Variants in SDCBP2 observed in about 807,000 individuals in gnomAD.
SDCBP2 encodes syntenin-2.
Under a neutral mutation model 30.7 loss-of-function variants are expected in SDCBP2, and 28 were observed. That is an observed-to-expected ratio of 0.91 (90% CI 0.68 to 1.25). SDCBP2 has a LOEUF of 1.25. Among genes scored for constraint, SDCBP2 ranks in the 50% most tolerant of loss-of-function variants. SDCBP2 has a pLI of 0.00. For synonymous variants in SDCBP2, 166 were observed against 157.3 expected, an observed-to-expected ratio of 1.06 and a Z score of -0.41; for missense variants, 399 against 379.0, an observed-to-expected ratio of 1.05 and a Z score of -0.44.
At chr20:1,325,421 A>T (rs1367912189) in intron 1 of SDCBP2, 2 of 152,218 alleles carry the variant, frequency 1.3e-5, no homozygotes, top group Non-Finnish European at 2.9e-5. Flanking sequence ...TAGCGGCTGC[A>T]GAGTGGAACA....
chr20:1,311,900 CTTTTTTT>C (rs11471529), intron 7 of SDCBP2, among the ~76,000 whole-genome samples: 10 of 121,110 alleles, frequency 8.3e-5, no homozygotes, highest in African/African-American at 3.4e-4. Flanking sequence ...GGTACACTGT[CTTTTTTT>C]TTTTTTTTTG....
chr20:1,328,848 G>A (rs2088971467), intron 1 of SDCBP2, among the ~76,000 whole-genome samples: 1 of 152,136 alleles, frequency 6.6e-6, no homozygotes, highest in Non-Finnish European at 1.5e-5. Flanking sequence ...GGCATCGGGG[G>A]CCCTCATGAT....
chr20:1,326,328 C>T (rs938811702), intron 1 of SDCBP2, among the ~76,000 whole-genome samples: 7 of 152,246 alleles, frequency 4.6e-5, no homozygotes, highest in African/African-American at 1.7e-4. Flanking sequence ...TCAGCTCCTC[C>T]CTTTCCCTTC....
chr20:1,323,073 C>G (rs1346361073), intron 1 of SDCBP2: 1 of 152,228 alleles, frequency 6.6e-6, no homozygotes, highest in East Asian at 1.9e-4. Flanking sequence ...AAGTACCCAT[C>G]AGCCCTTCAC....
chr20:1,327,019 T>C (rs762949374), intron 1 of SDCBP2, among the ~76,000 whole-genome samples: 6 of 151,874 alleles, frequency 4.0e-5, no homozygotes, highest in Admixed American at 2.6e-4. Flanking sequence ...CCCTAACGAG[T>C]TAGGTTGAAA....
chr20:1,315,103 T>C lies in SDCBP2; in HGVS notation c.226-1605A>G, dbSNP rs185166036. Among the ~76,000 whole-genome samples, 456 of 152,350 alleles carry C rather than the reference T, an allele frequency of 3.0e-3. 5 individuals carry two copies. Among genetic ancestry groups the C allele is most frequent in the South Asian group, 0.026 (126 of 4,832 alleles). The stretch of plus-strand genomic sequence containing the variant: ...AATCACCACCAAATTTCAAGACTTA[T>C]TATATATAGCTACAATAATCAAGAC... On this transcript the variant is annotated intron_variant, in intron 4 of 8. Coordinates refer to ENST00000360779, the MANE Select transcript of SDCBP2 (RefSeq NM_080489.5).
At chr20:1,318,150 G>A (rs6078610) in intron 4 of SDCBP2, 168 bp downstream of exon 4, 650,883 of 656,276 alleles carry the variant, frequency 0.99, 322,985 homozygotes, top group East Asian at 1. Context: ...AGTGGTTTTC[G>A]TGAAGCCTCA....
intron 7 of SDCBP2, among the ~76,000 whole-genome samples, chr20:1,311,360 C>G (rs530414793): frequency 4.5e-4 from 68 of 152,168 alleles, no homozygotes; most frequent in Middle Eastern, 3.4e-3. Flanking sequence ...CCATAAGGAT[C>G]CTCCTCCTCT....
intron 5 of SDCBP2, 178 bp from the exon 6 acceptor site, chr20:1,312,940 ATAGT>A (rs1313970232): frequency 2.1e-5 from 14 of 662,548 alleles, no homozygotes; most frequent in South Asian, 8.0e-5. Context: ...TCTAGGCCTC[ATAGT>A]TAGGAAGCAG....
chr20:1,320,540 A>T lies in SDCBP2; in HGVS notation c.-19-105T>A. ...AAGCGGGTTGGAACTTAATATTCAA[A>T]CAGAAAGGCAGCAGGGCACTTAGAA... On this transcript the variant is annotated intron_variant, in intron 1 of 8. Transcript: ENST00000360779. This position sits in a 1 kb window ranked among gnomAD's most constrained non-coding sequence, Gnocchi z 4.7. 1.2e-6 allele frequency: 1 copy of T among 837,122 alleles called. No homozygotes were observed. Among genetic ancestry groups the T allele is most frequent in the Non-Finnish European group, 1.9e-6 (1 of 520,518 alleles). The allele number at this position is 837,122 out of a possible 1,614,324, so 51.9% of individuals were successfully genotyped here.
At chr20:1,315,255 C>A (rs567774696) in intron 4 of SDCBP2, among the ~76,000 whole-genome samples, 1 of 152,132 alleles carries the variant, frequency 6.6e-6, no homozygotes, top group Non-Finnish European at 1.5e-5. Flanking sequence ...GTTGGCTGGG[C>A]GCAGTGGCTC....
rs562336800 is a variant in SDCBP2, at chr20:1,316,268, C to G, written c.225+2050G>C. 2.6e-4 allele frequency among the ~76,000 whole-genome samples: 39 copies of G among 152,338 alleles called. 1 individual carries two copies. The highest frequency in any genetic ancestry group is 7.8e-4 in the Admixed American group (12 of 15,310). Reference sequence around the variant, plus strand: ...AGACCATGATGAGCCATCATTATACCTATCATAGTGGCTAAAATATAAAAT... The same window carrying G: ...AGACCATGATGAGCCATCATTATACGTATCATAGTGGCTAAAATATAAAAT... On this transcript the variant is annotated intron_variant, in intron 4 of 8. Transcript: ENST00000360779.
At position 1,313,833 on chromosome 20, in the gene SDCBP2, G is replaced by C. The variant is rs112249444; in HGVS notation, c.226-335C>G. 6.3e-4 allele frequency among the ~76,000 whole-genome samples: 96 copies of C among 152,318 alleles called. No individual in the cohort carries two copies. Among genetic ancestry groups the C allele is most frequent in the African/African-American group, 2.2e-3 (92 of 41,566 alleles). The stretch of plus-strand genomic sequence containing the variant: ...AATAGAAAAAGTCACAGTAAATAGT[G>C]AGCAACAGGGGATAAAAGGACTGGA... On this transcript the variant is annotated intron_variant, in intron 4 of 8. Transcript: ENST00000360779. This position sits in a 1 kb window ranked among gnomAD's most constrained non-coding sequence, Gnocchi z 5.2.
Position 1,312,614 on chromosome 20 carries a change from T to C in SDCBP2, c.533A>G (p.Asp178Gly). ...AHQVVKKASGDKIVVVVRDRP... is the reference protein window; with the variant it reads ...AHQVVKKASGGKIVVVVRDRP... ...GTCCCGAACCACCACGACAATCTTATCGCCTGATGCCTTCTTCACCACCTG... is the reference window on the plus strand; with the variant it reads ...GTCCCGAACCACCACGACAATCTTACCGCCTGATGCCTTCTTCACCACCTG... The change falls in exon 6 of 9, where the codon GAT becomes GGT. Residue 178 changes from aspartate to glycine, a missense_variant. Coordinates refer to ENST00000360779, the MANE Select transcript of SDCBP2 (RefSeq NM_080489.5). The C allele has an allele frequency of 1.2e-6, 2 of 1,614,058 alleles. No homozygotes were observed. Among genetic ancestry groups the C allele is most frequent in the Non-Finnish European group, 1.7e-6 (2 of 1,179,982 alleles).
In SDCBP2 at chr20:1,310,878, A is replaced by G. The variant is rs2088655150; in HGVS notation, c.746T>C (p.Met249Thr). The change falls in exon 8 of 9, where the codon ATG becomes ACG. Residue 249 changes from methionine to threonine, a missense_variant. By Grantham distance (81) the Met-to-Thr change is moderately conservative. Coordinates refer to ENST00000360779, the MANE Select transcript of SDCBP2 (RefSeq NM_080489.5). ...GTTCCCAGCCGTGGCCAGAATCTCC[A>G]TGATCTTTTTGTCCTAGGGAGGAGG... ...NVIGLKDKKI[M>T]EILATAGNVV... 1 of 1,613,966 alleles carries G rather than the reference A, an allele frequency of 6.2e-7. No homozygotes were observed. Among genetic ancestry groups the G allele is most frequent in the South Asian group, 1.1e-5 (1 of 91,076 alleles).
Position 1,312,381 on chromosome 20 carries a change from G to T in SDCBP2, c.688C>A (p.His230Asn), listed in dbSNP as rs762537671. 4 of 1,613,426 alleles carry T rather than the reference G, an allele frequency of 2.5e-6. No individual in the cohort carries two copies. The highest frequency in any genetic ancestry group is 3.3e-5 in the Admixed American group (2 of 59,884). ...SAARNGLLTN[H>N]YVCEVDGQNV... ...TGCCCGTCCACCTCACACACGTAGT[G>T]GTTGGTGAGGAGCCCGTTGCGGGCC... Residue 230 changes from histidine (H) to asparagine (N), a missense_variant, in exon 7 of 9, where the codon CAC becomes AAC. By Grantham distance (68) the His-to-Asn change is moderately conservative. Coordinates refer to ENST00000360779, the MANE Select transcript of SDCBP2 (RefSeq NM_080489.5).
Position 1,313,318 on chromosome 20 carries a change from C to A in SDCBP2, c.384+22G>T, listed in dbSNP as rs1328088566. On this transcript the variant is annotated intron_variant, in intron 5 of 8. Coordinates refer to ENST00000360779, the MANE Select transcript of SDCBP2 (RefSeq NM_080489.5). This position sits in a 1 kb window ranked among gnomAD's most constrained non-coding sequence, Gnocchi z 5.2. ...GCGCGTGCAGCTCGAGCTCCTCTTC[C>A]CACCCAGCCCCCGCGCCCTACCTGG... The A allele has an allele frequency of 1.2e-6, 2 of 1,607,312 alleles. No individual in the cohort carries two copies. The highest frequency in any genetic ancestry group is 1.7e-6 in the Non-Finnish European group (2 of 1,178,288).
At position 1,313,635 on chromosome 20, in the gene SDCBP2, C is replaced by G. The variant is rs563679633; in HGVS notation, c.226-137G>C. 128 of 1,415,130 alleles carry G rather than the reference C, an allele frequency of 9.0e-5. 5 individuals are homozygous for G. The South Asian group carries it at 1.9e-3, about 21-fold the overall frequency. The allele number at this position is 1,415,130 out of a possible 1,614,324, so 87.7% of individuals were successfully genotyped here. A position where few individuals can be genotyped will look rare whatever the true frequency, so the allele number is the denominator to read the frequency against. On this transcript the variant is annotated intron_variant, in intron 4 of 8. Transcript: ENST00000360779. The surrounding 1 kb of genome is among the most constrained non-coding windows in gnomAD (Gnocchi z 5.2). ...CCCCCCACGTCCCCAGTCCACGCTT[C>G]TCCCCTAGGGGCGAGAGGAGACGTG...
At chr20:1,317,676 T>C (rs546342556) in intron 4 of SDCBP2, 1 of 182,434 alleles carries the variant, frequency 5.5e-6, no homozygotes, top group Admixed American at 5.4e-5. Context: ...TCTGTGACAG[T>C]TCTCTATCAT....
Sources: allele counts gnomAD v4.1 joint callset (sites outside exome capture counted in the v4.1 genomes callset), GRCh38; gene constraint gnomAD v4.1.1; non-coding constraint Gnocchi (gnomAD v3.1); transcripts MANE v1.5; gene names NCBI Gene and HGNC (gene_info 2026-07-23, HGNC 2026-07-21).